NLRP13: variants seen among roughly 807,000 people sequenced by gnomAD.
The protein encoded by NLRP13 is NLR family pyrin domain containing 13.
A neutral mutation model predicts 94.4 loss-of-function variants in NLRP13; 82 were observed. The ratio of observed to expected loss-of-function variants is 0.87; its 90% confidence interval spans 0.73 to 1.04. NLRP13 has a LOEUF of 1.04. Ranked by LOEUF, NLRP13 falls within the 50% of genes least tolerant of loss-of-function variation. NLRP13 has a pLI of 0.00. For missense variants in NLRP13, 1,426 were observed against 1,230.8 expected (o/e 1.16, Z -2.37); for synonymous variants, 553 against 464.7 (o/e 1.19, Z -2.45).
At chr19:55,911,633 T>A in intron 5 of NLRP13, 73 bp downstream of exon 5, 1 of 1,378,636 alleles carries the variant, frequency 7.3e-7, no homozygotes, top group Non-Finnish European at 9.9e-7. Context: ...ATCCCTGGTT[T>A]TGCATGAAAG....
At chr19:55,905,753 C>A (rs757279258) in intron 7 of NLRP13, among the ~76,000 whole-genome samples, 2 of 152,064 alleles carry the variant, frequency 1.3e-5, no homozygotes, top group Non-Finnish European at 2.9e-5. Flanking sequence ...CTGTGCATTA[C>A]AGGATGTCAA....
Position 55,912,070 on chromosome 19 carries a change from G to C in NLRP13, c.1747C>G (p.Pro583Ala). ...VLLDKEAYWT[P>A]VVLFFFGLLN... is the part of the protein sequence containing the mutation. ...AGACCAAAGAAGAACAGAACCACTGGAGTCCAGTAGGCTTCTTTGTCAAGC... is the reference window on the plus strand; with the variant it reads ...AGACCAAAGAAGAACAGAACCACTGCAGTCCAGTAGGCTTCTTTGTCAAGC... Residue 583 changes from proline (P) to alanine (A), a missense_variant, in exon 5 of 11, where the codon CCA (proline) becomes GCA (alanine). By Grantham distance (27) the Pro-to-Ala change is conservative. Coordinates refer to ENST00000342929, the MANE Select transcript of NLRP13 (RefSeq NM_176810.2). The C allele has an allele frequency of 6.2e-7, 1 of 1,614,188 alleles. No homozygotes were observed. The highest frequency in any genetic ancestry group is 8.5e-7 in the Non-Finnish European group (1 of 1,180,040).
In NLRP13 at chr19:55,898,214, T is replaced by G. The variant is rs866766309; in HGVS notation, c.2957+556A>C. ...GGAGAGTTTTTGTTTTTGTTTTTGT[T>G]TTTTTTTTTTTTGAGATGGAGTTTC... On this transcript the variant is annotated intron_variant, in intron 10 of 10. Transcript: ENST00000342929. 8.2e-3 allele frequency among the ~76,000 whole-genome samples: 1,219 copies of G among 148,194 alleles called. 29 individuals are homozygous for G. The highest frequency in any genetic ancestry group is 0.029 in the African/African-American group (1,153 of 40,364).
intron 7 of NLRP13, 49 bp downstream of exon 7, chr19:55,907,743 T>C: frequency 6.3e-7 from 1 of 1,586,802 alleles, no homozygotes; most frequent in Non-Finnish European, 8.6e-7. Flanking sequence ...TGGAAGCTAC[T>C]GGTGGTCTTG....
At chr19:55,915,555 A>G (rs1600271864) in intron 4 of NLRP13, among the ~76,000 whole-genome samples, 1 of 152,148 alleles carries the variant, frequency 6.6e-6, no homozygotes, top group African/African-American at 2.4e-5. Flanking sequence ...CCAAGATCGC[A>G]CCACTGTACT....
Position 55,896,045 on chromosome 19 carries a change from A to C in NLRP13, c.3032T>G (p.Val1011Gly), listed in dbSNP as rs1284068229. 6.2e-7 allele frequency: 1 copy of C among 1,614,012 alleles called. No individual in the cohort carries two copies. Among genetic ancestry groups the C allele is most frequent in the Non-Finnish European group, 8.5e-7 (1 of 1,180,024 alleles). ...TTCATTGCCTAGAAGGTTCAGATTG[A>C]CCAGGCTCTTACTGCTGCTGAGAAC... ...FSVLSSSKSL[V>G]NLNLLGNELD... is the part of the protein sequence containing the mutation. Residue 1011 changes from valine (V) to glycine (G), a missense_variant, in exon 11 of 11, where the codon GTC becomes GGC. Coordinates refer to ENST00000342929, the MANE Select transcript of NLRP13 (RefSeq NM_176810.2).
chr19:55,912,365 G>A lies in NLRP13; in HGVS notation c.1452C>T (p.Cys484=). Residue 484 remains cysteine (C), a synonymous_variant, in exon 5 of 11, where the codon TGC becomes TGT. Coordinates refer to ENST00000342929, the MANE Select transcript of NLRP13 (RefSeq NM_176810.2). ...ACCACAGCCCTTCTATGGCCAGACTGCAGAGGGCCCTCCATTGTCCTGGCC... is the reference window on the plus strand; with the variant it reads ...ACCACAGCCCTTCTATGGCCAGACTACAGAGGGCCCTCCATTGTCCTGGCC... ...DSWPGQWRAL[C]SLAIEGLWSM... The A allele has an allele frequency of 2.5e-6, 4 of 1,614,024 alleles. No homozygotes were observed. The highest frequency in any genetic ancestry group is 3.4e-6 in the Non-Finnish European group (4 of 1,179,956).
Position 55,912,425 on chromosome 19 carries a change from G to A in NLRP13, c.1392C>T (p.Phe464=). 1 of 1,614,184 alleles carries A rather than the reference G, an allele frequency of 6.2e-7. No homozygotes were observed. Among genetic ancestry groups the A allele is most frequent in the Non-Finnish European group, 8.5e-7 (1 of 1,180,038 alleles). Reference sequence around the variant, plus strand: ...CTGCCAAATCTACCTCTGCTGTGGAGAACAAGTTGGAGAAAAAATAGGCAT... The same window carrying A: ...CTGCCAAATCTACCTCTGCTGTGGAAAACAAGTTGGAGAAAAAATAGGCAT... The part of the protein sequence containing the change: ...SLYAYFFSNL[F]STAEVDLADD... Residue 464 remains phenylalanine (F), a synonymous_variant, in exon 5 of 11, where the codon TTC becomes TTT. Transcript: ENST00000342929.
chr19:55,932,155 G>C lies in NLRP13; in HGVS notation c.157C>G (p.Pro53Ala). 1 of 1,614,170 alleles carries C rather than the reference G, an allele frequency of 6.2e-7. No individual in the cohort carries two copies. The highest frequency in any genetic ancestry group is 8.5e-7 in the Non-Finnish European group (1 of 1,180,018). ...CTCAAGTTTGCCCAGGGGATACGCG[G>C]GAAGTGCCCCTGGGGGGCCGACCAG... ...DFWSAPQGHF[P>A]RIPWANLRAA... is the part of the protein sequence containing the mutation. Residue 53 changes from proline to alanine, a missense_variant, in exon 1 of 11, where the codon CCG becomes GCG. Transcript: ENST00000342929.
At chr19:55,901,447 G>A (rs146003042) in intron 9 of NLRP13, among the ~76,000 whole-genome samples, 101 of 152,176 alleles carry the variant, frequency 6.6e-4, no homozygotes, top group African/African-American at 2.3e-3. Context: ...GGGAAAAGTC[G>A]TCTGCGATGA....
At chr19:55,920,872 G>A (rs761557749) in intron 4 of NLRP13, among the ~76,000 whole-genome samples, 43 of 152,158 alleles carry the variant, frequency 2.8e-4, no homozygotes, top group Non-Finnish European at 4.3e-4. Flanking sequence ...ATGGATGACT[G>A]GATAAAGAAA....
downstream of NLRP13, chr19:55,891,937 A>G (rs1302323870): frequency 1.2e-5 from 5 of 410,000 alleles, no homozygotes; most frequent in Middle Eastern, 6.2e-4. Flanking sequence ...CACACAGGCC[A>G]GGATGTCCTG....
Position 55,907,824 on chromosome 19 carries a change from C to G in NLRP13, c.2415G>C (p.Leu805Phe). 5.6e-6 allele frequency: 9 copies of G among 1,613,814 alleles called. No individual in the cohort carries two copies. Among genetic ancestry groups the G allele is most frequent in the Non-Finnish European group, 7.6e-6 (9 of 1,179,918 alleles). ...GMTVPLILKA[L>F]RHSACNLKYL... ...ACTTGAGGTTGCAAGCTGAGTGTCTCAAAGCTTTAAGAATCAGGGGGACAG... is the reference window on the plus strand; with the variant it reads ...ACTTGAGGTTGCAAGCTGAGTGTCTGAAAGCTTTAAGAATCAGGGGGACAG... Residue 805 changes from leucine to phenylalanine, a missense_variant, in exon 7 of 11, where the codon TTG (leucine) becomes TTC (phenylalanine). Coordinates refer to ENST00000342929, the MANE Select transcript of NLRP13 (RefSeq NM_176810.2).
At chr19:55,898,732 A>G in intron 10 of NLRP13, 38 bp downstream of exon 10, 2 of 1,551,188 alleles carry the variant, frequency 1.3e-6, no homozygotes, top group Non-Finnish European at 1.7e-6. Flanking sequence ...GCAAGAGTAG[A>G]GAAGGAAGAC....
At position 55,905,067 on chromosome 19, in the gene NLRP13, G is replaced by A. The variant is rs747885268; in HGVS notation, c.2493C>T (p.Ala831=). 1.9e-6 allele frequency: 3 copies of A among 1,613,802 alleles called. No individual in the cohort carries two copies. The highest frequency in any genetic ancestry group is 3.3e-5 in the Admixed American group (2 of 59,990). ...CGTGTTGGATGCTGGTGAGAAACAA[G>A]GCTAGGTCCTGACAGCTGGCTGCCG... ...NLSAASCQDL[A]LFLTSIQHVT... The change falls in exon 8 of 11, where the codon GCC becomes GCT. Residue 831 remains alanine (A), a synonymous_variant. Transcript: ENST00000342929.
At position 55,912,614 on chromosome 19, in the gene NLRP13, G is replaced by C. The variant is rs1407127400; in HGVS notation, c.1203C>G (p.Asp401Glu). 5 of 1,614,066 alleles carry C rather than the reference G, an allele frequency of 3.1e-6. No homozygotes were observed. The highest frequency in any genetic ancestry group is 4.2e-6 in the Non-Finnish European group (5 of 1,180,032). ...LRVYFMRHFD[D>E]SSEVEKILQQ... ...GCAGGATTTTCTCAACTTCACTTGA[G>C]TCATCAAAGTGTCTCATGAAATATA... Residue 401 changes from aspartate to glutamate, a missense_variant, in exon 5 of 11, where the codon GAC becomes GAG. By Grantham distance (45) the Asp-to-Glu change is conservative (BLOSUM62 2). Coordinates refer to ENST00000342929, the MANE Select transcript of NLRP13 (RefSeq NM_176810.2).
intron 10 of NLRP13, among the ~76,000 whole-genome samples, chr19:55,897,593 G>A (rs574633727): frequency 1.3e-5 from 2 of 152,240 alleles, no homozygotes; most frequent in African/African-American, 4.8e-5. Flanking sequence ...AAGTTGCTTC[G>A]TTAACTGATT....
chr19:55,927,456 T>TAA (rs10707874), intron 1 of NLRP13, among the ~76,000 whole-genome samples: 1 of 144,866 alleles, frequency 6.9e-6, no homozygotes, highest in Non-Finnish European at 1.5e-5. Context: ...TCTAATTCCT[T>TAA]AAAAAAAAAA....
At chr19:55,902,271 G>T in intron 8 of NLRP13, 66 bp from the exon 9 acceptor site, 1 of 1,346,446 alleles carries the variant, frequency 7.4e-7, no homozygotes. Flanking sequence ...TCCTGGAACA[G>T]AGCCTCAGGG....
Sources: allele counts gnomAD v4.1 joint callset (sites outside exome capture counted in the v4.1 genomes callset), GRCh38; gene constraint gnomAD v4.1.1; transcripts MANE v1.5; gene names NCBI Gene and HGNC (gene_info 2026-07-23, HGNC 2026-07-21).